ZNF330: variants seen among roughly 807,000 people sequenced by gnomAD.
The protein encoded by ZNF330 is nucleolar atypical zinc finger.
Under a neutral mutation model 45.5 loss-of-function variants are expected in ZNF330, and 31 were observed. The observed-to-expected ratio is 0.68, with a 90% CI of 0.51 to 0.92. The LOEUF is 0.92. Ranked by LOEUF, ZNF330 falls within the 40% of genes least tolerant of loss-of-function variation. The pLI is 0.00. For missense variants in ZNF330, 356 were observed against 387.4 expected, an observed-to-expected ratio of 0.92 and a Z score of 0.68; for synonymous variants, 138 against 123.2, an observed-to-expected ratio of 1.12 and a Z score of -0.79.
At chr4:141,222,582 G>A in intron 2 of ZNF330, 91 bp downstream of exon 2, 3 of 1,402,178 alleles carry the variant, frequency 2.1e-6, no homozygotes, top group Non-Finnish European at 2.9e-6. Context: ...AGTGAAGACA[G>A]TGTTTTTGCA....
chr4:141,222,141 T>G (rs978779250), intron 1 of ZNF330, among the ~76,000 whole-genome samples: 1 of 152,196 alleles, frequency 6.6e-6, no homozygotes, highest in Non-Finnish European at 1.5e-5. Flanking sequence ...GACGTTTACA[T>G]TTTTAGAATC....
intron 7 of ZNF330, 55 bp from the exon 8 acceptor site, chr4:141,231,384 A>G (rs993447153): frequency 6.6e-7 from 1 of 1,517,190 alleles, no homozygotes; most frequent in Non-Finnish European, 8.9e-7. Context: ...TAAAAGACAA[A>G]AGAAAATTCT....
At chr4:141,231,305 G>C (rs889697068) in intron 7 of ZNF330, 134 bp from the exon 8 acceptor site, 1 of 561,874 alleles carries the variant, frequency 1.8e-6, no homozygotes, top group African/African-American at 1.9e-5. Flanking sequence ...GTGTTTTATA[G>C]CATTTGAACC....
intron 2 of ZNF330, chr4:141,223,630 G>C: frequency 4.7e-6 from 2 of 422,384 alleles, no homozygotes; most frequent in South Asian, 1.8e-5. Context: ...ACATAGCGCA[G>C]ATGTGACAGT....
intron 1 of ZNF330, among the ~76,000 whole-genome samples, chr4:141,221,971 T>A (rs2111244285): frequency 6.6e-6 from 1 of 152,322 alleles, no homozygotes; most frequent in Admixed American, 6.5e-5. Context: ...AAAAAAGTGA[T>A]ATAAACTGGC....
chr4:141,224,371 T>TTTGGG, intron 2 of ZNF330, 116 bp from the exon 3 acceptor site: 1 of 911,196 alleles, frequency 1.1e-6, no homozygotes, highest in Non-Finnish European at 1.7e-6. Flanking sequence ...GAGTTGGGGC[T>TTTGGG]TTGGTGTAGT....
chr4:141,229,521 T>C, intron 5 of ZNF330, 50 bp from the exon 6 acceptor site: 1 of 1,608,088 alleles, frequency 6.2e-7, no homozygotes, highest in Non-Finnish European at 8.5e-7. Context: ...AAAGAATGGT[T>C]GCAGGTGGTC....
chr4:141,224,620 A>G lies in ZNF330; in HGVS notation c.154A>G (p.Arg52Gly), dbSNP rs1659381600. 1 of 1,613,554 alleles carries G rather than the reference A, an allele frequency of 6.2e-7. No homozygotes were observed. Among genetic ancestry groups the G allele is most frequent in the South Asian group, 1.1e-5 (1 of 91,046 alleles). The change falls in exon 4 of 10, where the codon AGA becomes GGA. Residue 52 changes from arginine to glycine, a missense_variant. Coordinates refer to ENST00000262990, the MANE Select transcript of ZNF330 (RefSeq NM_014487.6). ...TTACATGACAAGGCGGCAGAAGAAT[A>G]GAGCATTTTGCTACTTTTGTAATTC... Reference protein sequence around the residue: ...CDKCQRRQKNRAFCYFCNSVQ... With the variant: ...CDKCQRRQKNGAFCYFCNSVQ...
intron 6 of ZNF330, 111 bp downstream of exon 6, chr4:141,229,808 T>C: frequency 7.4e-7 from 1 of 1,344,824 alleles, no homozygotes; most frequent in East Asian, 2.3e-5. Context: ...TCCTAACTAC[T>C]GGTACTGTTT....
At chr4:141,222,991 A>G (rs998178602) in intron 2 of ZNF330, 12 of 152,724 alleles carry the variant, frequency 7.9e-5, no homozygotes, top group African/African-American at 2.4e-4. Flanking sequence ...TTAGGTCATC[A>G]TTACCTCTTT....
At chr4:141,220,876 A>G (rs1196256764), upstream of ZNF330, 1 of 152,164 alleles carries the variant, frequency 6.6e-6, no homozygotes, top group Non-Finnish European at 1.5e-5. Context: ...CCGTCCTATG[A>G]CGTCAGCCGT....
chr4:141,221,191 C>T (rs771505674), intron 1 of ZNF330, 83 bp downstream of exon 1: 1 of 152,802 alleles, frequency 6.5e-6, no homozygotes, highest in Non-Finnish European at 1.5e-5. Context: ...CGCTTCTCCC[C>T]TGGACGCCCC....
chr4:141,222,745 T>C (rs1175810890), intron 2 of ZNF330: 1 of 242,688 alleles, frequency 4.1e-6, no homozygotes, highest in Non-Finnish European at 8.0e-6. Context: ...GAATAGATAA[T>C]AGAAACTTTC....
intron 9 of ZNF330, 95 bp downstream of exon 9, chr4:141,232,737 T>C: frequency 3.4e-6 from 2 of 587,424 alleles, no homozygotes; most frequent in Non-Finnish European, 5.6e-6. Flanking sequence ...TTATTGCCTC[T>C]TCTTATTTGA....
Position 141,232,686 on chromosome 4 carries a change from C to A in ZNF330, c.688+44C>A, listed in dbSNP as rs78104933. The A allele has an allele frequency of 1.8e-4, 190 of 1,076,664 alleles. 2 individuals carry two copies. In the African/African-American group the frequency reaches 2.9e-3, roughly 16 times the overall value. 66.7% of individuals were successfully genotyped at this position (1,076,664 alleles called of 1,614,324 possible). A position where few individuals can be genotyped will look rare whatever the true frequency, so the allele number is the denominator to read the frequency against. ...TAAGGAAGTGATTTTTGCTTTCATA[C>A]TTAGACAAAGTTTATCTTTTTTTTT... On this transcript the variant is annotated intron_variant, in intron 9 of 9. Coordinates refer to ENST00000262990, the MANE Select transcript of ZNF330 (RefSeq NM_014487.6).
chr4:141,227,591 A>G (rs941165904), intron 5 of ZNF330, among the ~76,000 whole-genome samples: 4 of 152,164 alleles, frequency 2.6e-5, no homozygotes, highest in African/African-American at 4.8e-5. Context: ...TAGTGCCACA[A>G]TAAACATACG....
chr4:141,232,621 A>G lies in ZNF330; in HGVS notation c.667A>G (p.Thr223Ala), dbSNP rs201381535. The G allele has an allele frequency of 1.2e-5, 19 of 1,580,866 alleles. No homozygotes were observed. Among genetic ancestry groups the G allele is most frequent in the Non-Finnish European group, 1.6e-5 (19 of 1,164,390 alleles). The change falls in exon 9 of 10, where the codon ACT (threonine) becomes GCT (alanine). Residue 223 changes from threonine (T) to alanine (A), a missense_variant. By Grantham distance (58) the Thr-to-Ala change is moderately conservative (BLOSUM62 0). Transcript: ENST00000262990. ...CPKCGHETQE[T>A]KDLSMSTRSL... ...TAAATGTGGGCATGAAACTCAGGAG[A>G]CTAAGGACCTTAGCATGTCAAGTAA... is the stretch of plus-strand genomic sequence containing the variant.
rs1449482716 is a variant in ZNF330, at chr4:141,234,161, G to A, written c.*172G>A. 3.3e-6 allele frequency: 4 copies of A among 1,220,978 alleles called. No homozygotes were observed. In the African/African-American group the frequency reaches 6.1e-5, roughly 19 times the overall value. 75.6% of individuals were successfully genotyped at this position (1,220,978 alleles called of 1,614,324 possible). A position where few individuals can be genotyped will look rare whatever the true frequency, so the allele number is the denominator to read the frequency against. On this transcript the variant is annotated 3_prime_UTR_variant, in exon 10 of 10. Coordinates refer to ENST00000262990, the MANE Select transcript of ZNF330 (RefSeq NM_014487.6). ...GCGTTTTTATAGAACTGATAATCAG[G>A]CTTATGGCATAAGAAAAATGAGTTT...
chr4:141,229,086 CA>C (rs1315028269), intron 5 of ZNF330, among the ~76,000 whole-genome samples: 5 of 151,880 alleles, frequency 3.3e-5, no homozygotes, highest in African/African-American at 1.2e-4. Context: ...AAGAAGCTGG[CA>C]GAAGTTTCGT....
Sources: gnomAD v4.1 joint callset for allele counts (sites outside exome capture counted in the v4.1 genomes callset) on GRCh38, gnomAD v4.1.1 for gene constraint, MANE v1.5 for transcripts, NCBI Gene and HGNC (gene_info 2026-07-23, HGNC 2026-07-21) for gene names.